The following POM121 variants were observed in gnomAD, a reference collection of about 807,000 sequenced individuals.
POM121 encodes the protein nuclear envelope pore membrane protein POM 121.
Under a neutral mutation model 81.3 loss-of-function variants are expected in POM121, and 32 were observed. The observed-to-expected ratio is 0.39, with a 90% CI of 0.30 to 0.53. POM121 has a LOEUF of 0.53. POM121 is among the 20% of genes least tolerant of loss of function. The pLI is 0.66. For synonymous variants in POM121, 514 were observed against 694.2 expected (o/e 0.74, Z 4.08); for missense variants, 1,138 against 1,614.6 (o/e 0.70, Z 5.06).
rs1797768358 is a variant in POM121 at position 72,947,474 on chromosome 7, C to A, written c.*1240C>A. On this transcript the variant is annotated 3_prime_UTR_variant, in exon 13 of 13. Transcript: ENST00000434423. ...CAGGGCCCTCTGCAGCCCATCCTTT[C>A]CTTCCGTCCTTCTGAAACCACATAC... 1.0e-6 allele frequency: 1 copy of A among 971,328 alleles called. No homozygotes were observed. The highest frequency in any genetic ancestry group is 4.7e-5 in the South Asian group (1 of 21,144). 60.2% of individuals were successfully genotyped at this position (971,328 alleles called of 1,614,324 possible).
chr7:72,933,883 A>G (rs1796259254), intron 5 of POM121, among the ~76,000 whole-genome samples: 1 of 152,220 alleles, frequency 6.6e-6, no homozygotes, highest in African/African-American at 2.4e-5. Flanking sequence ...ATGAAAAAGA[A>G]TAAGGCAACT....
chr7:72,927,908 A>T (rs1479431571), intron 3 of POM121, among the ~76,000 whole-genome samples: 1 of 152,132 alleles, frequency 6.6e-6, no homozygotes, highest in Admixed American at 6.6e-5. Flanking sequence ...CTCTTGAGGG[A>T]AACACCATTT....
At chr7:72,929,794 A>G (rs1423733923) in intron 4 of POM121, 146 bp from the exon 5 acceptor site, 3 of 1,286,776 alleles carry the variant, frequency 2.3e-6, no homozygotes, top group Admixed American at 6.4e-5. Flanking sequence ...ACTTTGTCAG[A>G]TAGATTTGGC....
At chr7:72,950,229 C>T, downstream of POM121, 2 of 1,606,008 alleles carry the variant, frequency 1.2e-6, no homozygotes, top group Non-Finnish European at 1.7e-6. Context: ...TCATCATTTC[C>T]TGAATTTCTC....
intron 1 of POM121, among the ~76,000 whole-genome samples, chr7:72,926,057 A>G (rs1181420789): frequency 1.3e-5 from 2 of 152,154 alleles, no homozygotes; most frequent in African/African-American, 2.4e-5. Context: ...GTTGAAATCC[A>G]TTGTTGAGAC....
At position 72,945,722 on chromosome 7, in the gene POM121, C is replaced by T; in HGVS notation, c.3652+14C>T. The T allele has an allele frequency of 6.2e-7, 1 of 1,605,952 alleles. No individual in the cohort carries two copies. Among genetic ancestry groups the T allele is most frequent in the Non-Finnish European group, 8.5e-7 (1 of 1,176,172 alleles). On this transcript the variant is annotated intron_variant, in intron 12 of 12. Coordinates refer to ENST00000434423, the MANE Select transcript of POM121 (RefSeq NM_001387691.1). ...TTGCACCTTTCGGTAAGCAGCAAGC[C>T]ACCCTGTGGCCCTGCTCATCTGTCT... is the stretch of plus-strand genomic sequence containing the variant.
chr7:72,883,353 T>C (rs1403708285), intron 1 of POM121, among the ~76,000 whole-genome samples: 1 of 152,186 alleles, frequency 6.6e-6, no homozygotes, highest in Non-Finnish European at 1.5e-5. Flanking sequence ...GTATTCTCAC[T>C]GTATTGCTCA....
At chr7:72,926,591 G>T in intron 2 of POM121, 114 bp downstream of exon 2, 5 of 1,532,180 alleles carry the variant, frequency 3.3e-6, no homozygotes, top group Admixed American at 2.0e-5. Flanking sequence ...CTGCTTATTT[G>T]ATGAGAAATA....
intron 1 of POM121, among the ~76,000 whole-genome samples, chr7:72,887,604 A>G (rs1790853685): frequency 6.6e-6 from 1 of 152,194 alleles, no homozygotes; most frequent in Non-Finnish European, 1.5e-5. Context: ...TAAGGCGGGC[A>G]GATCACGAGG....
chr7:72,896,126 T>C (rs1178663103), intron 3 of POM121, among the ~76,000 whole-genome samples: 1 of 151,652 alleles, frequency 6.6e-6, no homozygotes, highest in Non-Finnish European at 1.5e-5. Context: ...TTGTCAATCT[T>C]TGGGTTTTAT....
Position 72,911,236 on chromosome 7 carries a change from G to A in POM121, c.-215-2529G>A, listed in dbSNP as rs556351959. 3.9e-5 allele frequency among the ~76,000 whole-genome samples: 6 copies of A among 152,244 alleles called. No individual in the cohort carries two copies. The East Asian group carries it at 5.8e-4, about 15-fold the overall frequency. On this transcript the variant is annotated intron_variant, in intron 3 of 15. Transcript: ENST00000395270. ...TGACCTCAGGTGATCTGCCTGCCTC[G>A]GCCTCCCAGAGTGCTGGGATTACAG...
intron 5 of POM121, among the ~76,000 whole-genome samples, chr7:72,935,455 G>A (rs57148087): frequency 9.4e-4 from 143 of 152,334 alleles, no homozygotes; most frequent in African/African-American, 3.3e-3. Context: ...GATTGTAGGC[G>A]TGAGCCACCA....
downstream of POM121, chr7:72,949,407 C>T (rs1044944): frequency 2.2e-5 from 28 of 1,300,430 alleles, no homozygotes; most frequent in Middle Eastern, 3.6e-4. Flanking sequence ...CCTCAGCCAG[C>T]TCACAGCAGG....
chr7:72,944,634 A>T (rs1194732089), intron 11 of POM121, among the ~76,000 whole-genome samples: 4 of 152,166 alleles, frequency 2.6e-5, no homozygotes, highest in Admixed American at 2.6e-4. Context: ...CCCAGCAAGC[A>T]CAGCAGGAGG....
intron 3 of POM121, among the ~76,000 whole-genome samples, chr7:72,901,224 T>A (rs562916931): frequency 1.3e-5 from 2 of 151,704 alleles, no homozygotes; most frequent in South Asian, 4.2e-4. Flanking sequence ...TTTTCTTTTT[T>A]TTTTTTTTGA....
chr7:72,939,173 C>G (rs1275641475), intron 6 of POM121, among the ~76,000 whole-genome samples, 163 bp from the exon 7 acceptor site: 16 of 152,154 alleles, frequency 1.1e-4, no homozygotes, highest in Non-Finnish European at 2.1e-4. Context: ...TCCCTTCATT[C>G]TGTTGGAATT....
chr7:72,950,489 A>G (rs533563239), downstream of POM121: 1 of 384,316 alleles, frequency 2.6e-6, no homozygotes, highest in East Asian at 5.6e-5. Flanking sequence ...AATATATCCA[A>G]GATACTTACG....
chr7:72,930,613 C>A (rs1312592208), intron 5 of POM121, among the ~76,000 whole-genome samples: 1 of 152,182 alleles, frequency 6.6e-6, no homozygotes, highest in East Asian at 1.9e-4. Context: ...GGTTTTTAAA[C>A]AAGTGGTCAT....
In POM121 at chr7:72,948,180, G is replaced by A. The variant is rs1442570918; in HGVS notation, c.*1946G>A. On this transcript the variant is annotated 3_prime_UTR_variant, in exon 13 of 13. Transcript: ENST00000434423. ...ACGCACTGGACGGCAGCGGGAGGCT[G>A]GGACTTTCCATTACAAATAGAGACT... 2.8e-6 allele frequency: 4 copies of A among 1,437,472 alleles called. No individual in the cohort carries two copies. In the African/African-American group the frequency reaches 5.8e-5, roughly 21 times the overall value. 89.0% of individuals were successfully genotyped at this position (1,437,472 alleles called of 1,614,324 possible).
Sources: allele counts gnomAD v4.1 joint callset (sites outside exome capture counted in the v4.1 genomes callset), GRCh38; gene constraint gnomAD v4.1.1; transcripts MANE v1.5; gene names NCBI Gene and HGNC (gene_info 2026-07-23, HGNC 2026-07-21).